LVRN: variants seen among roughly 807,000 people sequenced by gnomAD.
LVRN encodes the protein laeverin.
In LVRN, 99 loss-of-function variants were observed where a neutral mutation model predicts 111.4. The observed-to-expected ratio is 0.89, with a 90% CI of 0.76 to 1.05. The LOEUF is 1.05. LVRN is among the 50% of genes least tolerant of loss of function. The pLI, the probability that LVRN is intolerant of heterozygous loss-of-function variation, is 0.00. For synonymous variants in LVRN, 488 were observed against 449.5 expected (o/e 1.09, Z -1.08); for missense variants, 1,414 against 1,206.8 (o/e 1.17, Z -2.54).
intron 12 of LVRN, among the ~76,000 whole-genome samples, chr5:116,003,735 C>A (rs1262652005): frequency 2.0e-5 from 3 of 152,016 alleles, no homozygotes; most frequent in Non-Finnish European, 4.4e-5. Context: ...GCGCCTGCCA[C>A]CACGCCCGGC....
At position 116,003,302 on chromosome 5, in the gene LVRN, T is replaced by A. The variant is rs1193678783; in HGVS notation, c.1959T>A (p.Asn653Lys). 1 of 1,565,038 alleles carries A rather than the reference T, an allele frequency of 6.4e-7. No homozygotes were observed. The highest frequency in any genetic ancestry group is 8.7e-7 in the Non-Finnish European group (1 of 1,147,638). The change falls in exon 12 of 20, where the codon AAT becomes AAA. Residue 653 changes from asparagine to lysine, a missense_variant. Asn to Lys is a moderately conservative substitution (Grantham distance 94, BLOSUM62 0). Transcript: ENST00000357872. ...SDHDWVILNL[N>K]MTGYYRVNYD... is the part of the protein sequence containing the mutation. Reference sequence around the variant, plus strand: ...ATGACTGGGTGATTTTGAATTTGAATATGACTGGATATTATAGAGTTAATT... The same window carrying A: ...ATGACTGGGTGATTTTGAATTTGAAAATGACTGGATATTATAGAGTTAATT...
chr5:116,026,520 A>G lies in LVRN; in HGVS notation c.*402A>G. On this transcript the variant is annotated 3_prime_UTR_variant, in exon 20 of 20. Transcript: ENST00000357872. ...ACAGTTTTTCCAGGCCCTAGGGTTT[A>G]TTTAGTTCAACATTGAAGATTGAAA... 4.1e-6 allele frequency: 1 copy of G among 243,982 alleles called. No individual in the cohort carries two copies. Among genetic ancestry groups the G allele is most frequent in the Non-Finnish European group, 8.0e-6 (1 of 125,670 alleles). 15.1% of individuals were successfully genotyped at this position (243,982 alleles called of 1,614,324 possible).
chr5:116,012,571 A>T lies in LVRN; in HGVS notation c.2342+103A>T. Reference sequence around the variant, plus strand: ...CTTCATATCTGTTATTCATTGAGAGATTTTATATGCTATTATTATTTGAGA... The same window carrying T: ...CTTCATATCTGTTATTCATTGAGAGTTTTTATATGCTATTATTATTTGAGA... On this transcript the variant is annotated intron_variant, in intron 15 of 19. Transcript: ENST00000357872. The T allele has an allele frequency of 4.4e-6, 3 of 689,216 alleles. No homozygotes were observed. The South Asian group carries it at 6.3e-5, about 14-fold the overall frequency. The allele number at this position is 689,216 out of a possible 1,614,324, so 42.7% of individuals were successfully genotyped here.
chr5:116,000,933 C>A, intron 9 of LVRN, 134 bp from the exon 10 acceptor site: 3 of 1,001,216 alleles, frequency 3.0e-6, no homozygotes, highest in Non-Finnish European at 4.4e-6. Context: ...TAAATTTGCC[C>A]CAGAGGATCA....
chr5:116,006,329 T>G (rs1748373427), intron 13 of LVRN, among the ~76,000 whole-genome samples: 1 of 152,206 alleles, frequency 6.6e-6, no homozygotes, highest in Admixed American at 6.5e-5. Context: ...GTTCAGAATT[T>G]AAATTTTCAG....
intron 1 of LVRN, among the ~76,000 whole-genome samples, chr5:115,964,657 T>C (rs1753165239): frequency 6.6e-6 from 1 of 152,154 alleles, no homozygotes; most frequent in Non-Finnish European, 1.5e-5. Context: ...TACCTCTTCC[T>C]TGGTCCTGTT....
intron 1 of LVRN, among the ~76,000 whole-genome samples, chr5:115,974,292 A>G (rs1420385580): frequency 6.6e-6 from 1 of 152,212 alleles, no homozygotes; most frequent in African/African-American, 2.4e-5. Flanking sequence ...GGTCATACCA[A>G]TCTATACACC....
intron 6 of LVRN, among the ~76,000 whole-genome samples, chr5:115,996,631 A>C (rs940221813): frequency 6.6e-6 from 1 of 152,174 alleles, no homozygotes; most frequent in African/African-American, 2.4e-5. Context: ...TCGAGGTCTA[A>C]TTTCAGCTGA....
At chr5:115,991,102 A>G (rs1049880340) in intron 4 of LVRN, among the ~76,000 whole-genome samples, 1 of 152,176 alleles carries the variant, frequency 6.6e-6, no homozygotes, top group African/African-American at 2.4e-5. Flanking sequence ...GTACAGCAAT[A>G]TGGGTTTTGG....
At chr5:115,994,033 A>C (rs1166834072) in intron 6 of LVRN, among the ~76,000 whole-genome samples, 179 bp downstream of exon 6, 2 of 144,694 alleles carry the variant, frequency 1.4e-5, no homozygotes, top group African/African-American at 5.1e-5. Context: ...CTTTTTATCT[A>C]TTGTAAATGT....
At chr5:116,025,654 T>A (rs1300416097) in intron 19 of LVRN, among the ~76,000 whole-genome samples, 1 of 152,196 alleles carries the variant, frequency 6.6e-6, no homozygotes, top group African/African-American at 2.4e-5. Context: ...GTTCACTGTA[T>A]CTCTGTCTGC....
intron 1 of LVRN, chr5:115,974,975 A>G (rs1753409507): frequency 2.4e-6 from 1 of 409,668 alleles, no homozygotes; most frequent in Non-Finnish European, 4.8e-6. Context: ...GGAAATGAAG[A>G]TAATCACTTT....
rs77958891 is a variant in LVRN at position 116,011,599 on chromosome 5, C to T, written c.2247+705C>T. On this transcript the variant is annotated intron_variant, in intron 14 of 19. Coordinates refer to ENST00000357872, the MANE Select transcript of LVRN (RefSeq NM_173800.5). ...ATTTCAAGTGAATTTCTGGACCATT[C>T]AGAGGGTGAGATCACAAATACGTCT... Among the ~76,000 whole-genome samples, 7 of 152,182 alleles carry T rather than the reference C, an allele frequency of 4.6e-5. No individual in the cohort carries two copies. The East Asian group carries it at 5.8e-4, about 13-fold the overall frequency.
intron 1 of LVRN, among the ~76,000 whole-genome samples, chr5:115,966,261 C>T (rs143932981): frequency 2.6e-3 from 403 of 152,254 alleles, no homozygotes; most frequent in African/African-American, 9.2e-3. Flanking sequence ...ACCACTAATC[C>T]GTTCCATCTT....
At chr5:116,012,641 T>C (rs957416055) in intron 15 of LVRN, among the ~76,000 whole-genome samples, 173 bp downstream of exon 15, 3 of 152,202 alleles carry the variant, frequency 2.0e-5, no homozygotes, top group African/African-American at 7.2e-5. Flanking sequence ...CTAACAGAAG[T>C]TAATCGTTTG....
intron 15 of LVRN, 147 bp from the exon 16 acceptor site, chr5:116,014,273 A>G: frequency 1.6e-6 from 1 of 629,166 alleles, no homozygotes; most frequent in Non-Finnish European, 2.7e-6. Flanking sequence ...TCTGTCATCC[A>G]CAAAAACAAT....
Position 115,962,897 on chromosome 5 carries a change from G to A in LVRN, c.280G>A (p.Asp94Asn). 10 of 1,613,052 alleles carry A rather than the reference G, an allele frequency of 6.2e-6. No individual in the cohort carries two copies. The highest frequency in any genetic ancestry group is 8.5e-6 in the Non-Finnish European group (10 of 1,179,752). The change falls in exon 1 of 20, where the codon GAC becomes AAC. Residue 94 changes from aspartate (D) to asparagine (N), a missense_variant. Physicochemically the swap from Asp to Asn is conservative, Grantham distance 23. Coordinates refer to ENST00000357872, the MANE Select transcript of LVRN (RefSeq NM_173800.5). ...PSNWRPPGPW[D>N]QLRLPPWLVP... The stretch of plus-strand genomic sequence containing the variant: ...CAACTGGCGACCCCCGGGGCCCTGG[G>A]ACCAGCTACGCCTGCCGCCCTGGCT...
Position 116,026,149 on chromosome 5 carries a change from A to AT in LVRN, c.*32dup, listed in dbSNP as rs755769232. 2 of 1,612,762 alleles carry AT rather than the reference A, an allele frequency of 1.2e-6. No homozygotes were observed. The highest frequency in any genetic ancestry group is 1.7e-5 in the Admixed American group (1 of 59,950). Reference sequence around the variant, plus strand: ...GGCTATCTTTCAGCACTCCTCTTGCATATTATAATGTAGTTTGTTCACAGT... The same window carrying AT: ...GGCTATCTTTCAGCACTCCTCTTGCATTATTATAATGTAGTTTGTTCACAGT... On this transcript the variant is annotated 3_prime_UTR_variant, in exon 20 of 20. Transcript: ENST00000357872.
chr5:115,989,683 G>C (rs1747941912), intron 4 of LVRN, among the ~76,000 whole-genome samples: 1 of 152,080 alleles, frequency 6.6e-6, no homozygotes, highest in African/African-American at 2.4e-5. Context: ...CGTAAATTCT[G>C]ACCAGATTAT....
Sources: allele counts gnomAD v4.1 joint callset (sites outside exome capture counted in the v4.1 genomes callset), GRCh38; gene constraint gnomAD v4.1.1; transcripts MANE v1.5; gene names NCBI Gene and HGNC (gene_info 2026-07-23, HGNC 2026-07-21).